LRBA: variants seen among roughly 807,000 people sequenced by gnomAD.
The protein encoded by LRBA is LPS responsive beige-like anchor protein.
In LRBA, 176 loss-of-function variants were observed where a neutral mutation model predicts 330.0. That is an observed-to-expected ratio of 0.53 (90% confidence interval 0.47 to 0.60). The LOEUF (loss-of-function observed/expected upper bound fraction) is 0.60, where lower values mean the gene tolerates loss of function less well. Ranked by LOEUF, LRBA falls within the 20% of genes least tolerant of loss-of-function variation. The probability of loss-of-function intolerance (pLI) is 0.00; values close to 1 mark genes in which losing one functional copy is unlikely to be tolerated. For synonymous variants in LRBA, 1,230 were observed against 1,193.0 expected (o/e 1.03, Z -0.64); for missense variants, 3,259 against 3,444.8 (o/e 0.95, Z 1.35).
At chr4:150,499,415 G>C (rs1171393375) in intron 40 of LRBA, among the ~76,000 whole-genome samples, 4 of 152,162 alleles carry the variant, frequency 2.6e-5, no homozygotes, top group African/African-American at 9.7e-5. Context: ...GGCTGAGGCA[G>C]GAGGATCACT....
chr4:150,407,925 G>A (rs548219746), intron 47 of LRBA, among the ~76,000 whole-genome samples: 16 of 152,156 alleles, frequency 1.1e-4, no homozygotes, highest in Admixed American at 1.0e-3. Flanking sequence ...CGAGAAAATT[G>A]TAATTGGAAA....
rs761277052 is a variant in LRBA at position 150,487,826 on chromosome 4, T to C, written c.6457A>G (p.Met2153Val). The C allele has an allele frequency of 5.1e-6, 8 of 1,569,660 alleles. No individual in the cohort carries two copies. Among genetic ancestry groups the C allele is most frequent in the Non-Finnish European group, 7.0e-6 (8 of 1,145,884 alleles). The change falls in exon 42 of 57, where the codon ATG (methionine) becomes GTG (valine). Residue 2153 changes from methionine to valine, a missense_variant. Physicochemically the swap from Met to Val is conservative, Grantham distance 21. Coordinates refer to ENST00000651943, the MANE Select transcript of LRBA (RefSeq NM_001364905.1). ...GTTGCAGGGTCTGGGAAGTTGAACATCACAGCAACTACAACAGATGATTTT... is the reference window on the plus strand; with the variant it reads ...GTTGCAGGGTCTGGGAAGTTGAACACCACAGCAACTACAACAGATGATTTT... ...EIFMANRVAV[M>V]FNFPDPATVK...
At chr4:150,975,369 T>C (rs1177889325) in intron 2 of LRBA, among the ~76,000 whole-genome samples, 1 of 150,902 alleles carries the variant, frequency 6.6e-6, no homozygotes, top group East Asian at 2.0e-4. Flanking sequence ...ATCTTAAAAA[T>C]ACAAAAATTA....
At chr4:150,603,982 C>T (rs567592717) in intron 37 of LRBA, among the ~76,000 whole-genome samples, 2 of 152,168 alleles carry the variant, frequency 1.3e-5, no homozygotes, top group Non-Finnish European at 2.9e-5. Context: ...AAGAATTAAA[C>T]AAATGAGAAT....
chr4:150,430,853 C>G (rs1019768914), intron 46 of LRBA, among the ~76,000 whole-genome samples: 12 of 152,024 alleles, frequency 7.9e-5, no homozygotes, highest in Admixed American at 3.9e-4. Context: ...CTTCTATGTT[C>G]TAGTACCAAG....
intron 40 of LRBA, among the ~76,000 whole-genome samples, chr4:150,532,446 A>G (rs6836012): frequency 0.15 from 23,056 of 152,102 alleles, 1,753 homozygotes; most frequent in Middle Eastern, 0.18. Flanking sequence ...CTAAAACATT[A>G]ACTCATTTTA....
At chr4:150,803,068 A>AAC (rs774159150) in intron 33 of LRBA, among the ~76,000 whole-genome samples, 116 of 37,942 alleles carry the variant, frequency 3.1e-3, no homozygotes, top group African/African-American at 7.1e-3. Flanking sequence ...AAAACAAACA[A>AAC]AAAAAAAATA....
At chr4:150,996,488 A>G (rs1416775567) in intron 2 of LRBA, among the ~76,000 whole-genome samples, 1 of 152,146 alleles carries the variant, frequency 6.6e-6, no homozygotes, top group Non-Finnish European at 1.5e-5. Flanking sequence ...TGGTCATTCC[A>G]TTTTTTCCTG....
chr4:150,586,441 C>T (rs1444899451), intron 40 of LRBA, among the ~76,000 whole-genome samples: 1 of 152,074 alleles, frequency 6.6e-6, no homozygotes, highest in African/African-American at 2.4e-5. Context: ...CATAAATGTC[C>T]TCATTTACAG....
At chr4:150,512,317 T>G (rs1246047886) in intron 40 of LRBA, among the ~76,000 whole-genome samples, 2 of 152,198 alleles carry the variant, frequency 1.3e-5, no homozygotes, top group African/African-American at 4.8e-5. Flanking sequence ...AACTGGAAAC[T>G]TATGATTTAG....
At chr4:150,850,296 G>C (rs983962499) in intron 24 of LRBA, among the ~76,000 whole-genome samples, 1 of 151,894 alleles carries the variant, frequency 6.6e-6, no homozygotes, top group African/African-American at 2.4e-5. Flanking sequence ...GGGTTTCACC[G>C]TGTTAGCCAG....
chr4:150,726,713 T>C (rs113383397), intron 36 of LRBA, among the ~76,000 whole-genome samples: 1,704 of 152,156 alleles, frequency 0.011, 30 homozygotes, highest in Non-Finnish European at 0.013. Context: ...GAGAACATCA[T>C]GGAAGAAACT....
intron 55 of LRBA, 144 bp from the exon 56 acceptor site, chr4:150,278,148 T>C (rs1293485932): frequency 1.2e-5 from 8 of 661,524 alleles, no homozygotes; most frequent in Non-Finnish European, 1.5e-5. Context: ...AAATCGTGAG[T>C]TGTAGAAGAT....
intron 2 of LRBA, among the ~76,000 whole-genome samples, chr4:150,931,118 TTGTC>T: frequency 6.6e-6 from 1 of 152,330 alleles, no homozygotes; most frequent in South Asian, 2.1e-4. Flanking sequence ...TTTCCTAATA[TTGTC>T]TGTAACTTTT....
chr4:150,723,154 C>T (rs1729161193), intron 36 of LRBA, among the ~76,000 whole-genome samples: 1 of 152,118 alleles, frequency 6.6e-6, no homozygotes, highest in South Asian at 2.1e-4. Flanking sequence ...CTAGGCTCCT[C>T]CTAGTGCTGG....
At position 150,280,327 on chromosome 4, in the gene LRBA, G is replaced by A. The variant is rs552348458; in HGVS notation, c.8316+2123C>T. ...AATCCTGAGTGCTCTGGACAATGCCGTGGCTGCACGGGTTTTAAGGAGGTA... is the reference window on the plus strand; with the variant it reads ...AATCCTGAGTGCTCTGGACAATGCCATGGCTGCACGGGTTTTAAGGAGGTA... On this transcript the variant is annotated intron_variant, in intron 55 of 56. Coordinates refer to ENST00000651943, the MANE Select transcript of LRBA (RefSeq NM_001364905.1). Among the ~76,000 whole-genome samples, 10 of 152,290 alleles carry A rather than the reference G, an allele frequency of 6.6e-5. No homozygotes were observed. In the East Asian group the frequency reaches 9.7e-4, roughly 15 times the overall value.
chr4:150,336,855 C>G (rs528281847), intron 48 of LRBA, among the ~76,000 whole-genome samples: 1 of 152,300 alleles, frequency 6.6e-6, no homozygotes, highest in South Asian at 2.1e-4. Flanking sequence ...ACACAACCAA[C>G]AGAAACAAAC....
At chr4:150,834,662 G>A (rs138683409) in intron 28 of LRBA, among the ~76,000 whole-genome samples, 5 of 152,276 alleles carry the variant, frequency 3.3e-5, no homozygotes, top group African/African-American at 7.2e-5. Flanking sequence ...TTAAGGGTCC[G>A]AGGATTTTCA....
rs376737399 is a variant in LRBA at position 150,285,973 on chromosome 4, C to T, written c.8079G>A (p.Ala2693=). ...ACACCAGGCCTAGCTCCGCACACAC[C>T]GCAGCACATGTGACCTCATAGTCAT... ...TGHDYEVTCA[A]VCAELGLVLS... The change falls in exon 54 of 57, where the codon GCG becomes GCA. Residue 2693 remains alanine (A), a synonymous_variant. Coordinates refer to ENST00000651943, the MANE Select transcript of LRBA (RefSeq NM_001364905.1). 1.7e-5 allele frequency: 27 copies of T among 1,599,576 alleles called. No individual in the cohort carries two copies. Among genetic ancestry groups the T allele is most frequent in the East Asian group, 1.1e-4 (5 of 44,138 alleles).
Sources: gnomAD v4.1 joint callset for allele counts (sites outside exome capture counted in the v4.1 genomes callset) on GRCh38, gnomAD v4.1.1 for gene constraint, MANE v1.5 for transcripts, NCBI Gene and HGNC (gene_info 2026-07-23, HGNC 2026-07-21) for gene names.